The following DISC1 variants were observed in gnomAD, a reference collection of about 807,000 sequenced individuals.
DISC1 encodes the protein DISC1 scaffold protein, also known as disrupted in schizophrenia 1 protein.
DISC1 carries 57 observed loss-of-function variants against 84.5 expected under a neutral mutation model. That is an observed-to-expected ratio of 0.67 (90% CI 0.55 to 0.84). The LOEUF is 0.84. DISC1 is among the 40% of genes least tolerant of loss of function. The pLI, the probability that DISC1 is intolerant of heterozygous loss-of-function variation, is 0.00. For synonymous variants in DISC1, 411 were observed against 415.2 expected, an observed-to-expected ratio of 0.99 and a Z score of 0.12; for missense variants, 1,000 against 1,057.8, an observed-to-expected ratio of 0.95 and a Z score of 0.76.
chr1:231,865,316 A>G (rs1262276444), intron 9 of DISC1, among the ~76,000 whole-genome samples: 1 of 152,192 alleles, frequency 6.6e-6, no homozygotes, highest in Non-Finnish European at 1.5e-5. Context: ...CCCACTCTTC[A>G]TGTTTGCCAA....
chr1:231,899,130 C>T (rs1314251098), intron 9 of DISC1, among the ~76,000 whole-genome samples: 1 of 152,106 alleles, frequency 6.6e-6, no homozygotes, highest in Admixed American at 6.5e-5. Context: ...CTTGTCTCTC[C>T]TGAGGGTTTT....
At chr1:231,688,845 T>C (rs1331268681) in intron 1 of DISC1, among the ~76,000 whole-genome samples, 1 of 152,188 alleles carries the variant, frequency 6.6e-6, no homozygotes, top group Non-Finnish European at 1.5e-5. Flanking sequence ...AAATTGGAAA[T>C]AGAATACAGG....
At chr1:232,026,762 C>CTTTTTTTTTTTTTTTT (rs545455868) in intron 12 of DISC1, among the ~76,000 whole-genome samples, 6 of 110,876 alleles carry the variant, frequency 5.4e-5, no homozygotes, top group Admixed American at 1.0e-4. Context: ...TTTCTTTTTT[C>CTTTTTTTTTTTTTTTT]TTTTTTTTTT....
intron 9 of DISC1, among the ~76,000 whole-genome samples, chr1:231,824,256 G>A (rs1340448761): frequency 6.6e-6 from 1 of 152,152 alleles, no homozygotes; most frequent in Non-Finnish European, 1.5e-5. Flanking sequence ...GGCAAGAAAT[G>A]TAGATGTTTA....
At chr1:231,976,583 A>G (rs1662842376) in intron 10 of DISC1, among the ~76,000 whole-genome samples, 1 of 152,204 alleles carries the variant, frequency 6.6e-6, no homozygotes, top group South Asian at 2.1e-4. Flanking sequence ...GAAAAAGACT[A>G]TGGAATCTTT....
Position 231,963,144 on chromosome 1 carries a change from G to A in DISC1, c.2042+4256G>A, listed in dbSNP as rs533584436. Among the ~76,000 whole-genome samples the A allele has an allele frequency of 2.3e-3, 347 of 152,140 alleles. 4 individuals carry two copies. Among genetic ancestry groups the A allele is most frequent in the African/African-American group, 7.9e-3 (328 of 41,504 alleles). On this transcript the variant is annotated intron_variant, in intron 10 of 12. Coordinates refer to ENST00000439617, the MANE Select transcript of DISC1 (RefSeq NM_018662.3). ...GCCTAAATGCCTTACCATGGTTCATGGCATTCTTCCATGTGGCCTCTGCAT... is the reference window on the plus strand; with the variant it reads ...GCCTAAATGCCTTACCATGGTTCATAGCATTCTTCCATGTGGCCTCTGCAT...
Position 231,796,399 on chromosome 1 carries a change from C to T in DISC1, c.1689+1103C>T, listed in dbSNP as rs1227021916. On this transcript the variant is annotated intron_variant, in intron 7 of 12. Coordinates refer to ENST00000439617, the MANE Select transcript of DISC1 (RefSeq NM_018662.3). ...AGCAGAGAGCAACGCAGCTGAGAGC[C>T]TGTTGGCCTGGAAGGACTCTCTTCC... Among the ~76,000 whole-genome samples, 3 of 133,288 alleles carry T rather than the reference C, an allele frequency of 2.3e-5. No individual in the cohort carries two copies. In the East Asian group the frequency reaches 6.8e-4, roughly 30 times the overall value. 87.4% of individuals were successfully genotyped at this position (133,288 alleles called of 152,430 possible). A position where few individuals can be genotyped will look rare whatever the true frequency, so the allele number is the denominator to read the frequency against.
Position 232,031,141 on chromosome 1 carries a change from G to A in DISC1, c.2425+4589G>A, listed in dbSNP as rs974374667. 6.9e-6 allele frequency among the ~76,000 whole-genome samples: 1 copy of A among 145,880 alleles called. No homozygotes were observed. The highest frequency in any genetic ancestry group is 2.6e-5 in the African/African-American group (1 of 37,974). ...GGGAGGGAAGGAAGGAAGGAAGGAG[G>A]GAGAGAGGAGAGAGAGAGAGAGAAC... On this transcript the variant is annotated intron_variant, in intron 12 of 12. Coordinates refer to ENST00000439617, the MANE Select transcript of DISC1 (RefSeq NM_018662.3). The surrounding 1 kb of genome is among the most constrained non-coding windows in gnomAD (Gnocchi z 4.6).
intron 4 of DISC1, among the ~76,000 whole-genome samples, chr1:231,757,822 G>A (rs2075287146): frequency 6.6e-6 from 1 of 152,102 alleles, no homozygotes; most frequent in African/African-American, 2.4e-5. Flanking sequence ...CACATCAGAA[G>A]TGAGTTCCTT....
chr1:231,696,273 C>T (rs1440532107), intron 2 of DISC1, among the ~76,000 whole-genome samples: 4 of 152,172 alleles, frequency 2.6e-5, no homozygotes, highest in African/African-American at 2.4e-5. Flanking sequence ...TACCTTCCTG[C>T]GGTGTTTCTC....
chr1:231,983,490 G>A (rs193170231), intron 10 of DISC1, among the ~76,000 whole-genome samples: 2 of 133,218 alleles, frequency 1.5e-5, no homozygotes, highest in Non-Finnish European at 3.1e-5. Context: ...AGCCATCTGC[G>A]TTTCAGGAGC....
intron 4 of DISC1, among the ~76,000 whole-genome samples, chr1:231,764,735 T>G (rs946197824): frequency 6.6e-6 from 1 of 152,226 alleles, no homozygotes; most frequent in African/African-American, 2.4e-5. Flanking sequence ...TTACATGCAA[T>G]CAATACTTGG....
chr1:231,988,043 G>A lies in DISC1; in HGVS notation c.2043-20742G>A, dbSNP rs191497642. On this transcript the variant is annotated intron_variant, in intron 10 of 12. Transcript: ENST00000439617. ...CCTACTAAAAATACCAAAATTAGCC[G>A]GGTGTGGTGACGTGTGCCTGTAGTC... 3.9e-5 allele frequency among the ~76,000 whole-genome samples: 6 copies of A among 152,186 alleles called. No homozygotes were observed. In the East Asian group the frequency reaches 9.7e-4, roughly 25 times the overall value.
intron 1 of DISC1, among the ~76,000 whole-genome samples, chr1:231,686,466 C>T (rs745774928): frequency 9.9e-5 from 15 of 152,212 alleles, no homozygotes; most frequent in South Asian, 2.1e-4. Context: ...TCTGAAGCCA[C>T]GGCCCGAGCT....
At chr1:231,693,770 C>T (rs184681256) in intron 1 of DISC1, 56 bp from the exon 2 acceptor site, 5 of 1,610,314 alleles carry the variant, frequency 3.1e-6, no homozygotes, top group Non-Finnish European at 4.2e-6. Flanking sequence ...GATGCAGTTC[C>T]AGCTGGGCCA....
In DISC1 at chr1:231,866,569, A is replaced by G. The variant is rs779465023; in HGVS notation, c.1981+48052A>G. The G allele has an allele frequency of 8.7e-6, 10 of 1,148,306 alleles. No homozygotes were observed. In the South Asian group the frequency reaches 1.1e-4, roughly 13 times the overall value. 71.1% of individuals were successfully genotyped at this position (1,148,306 alleles called of 1,614,324 possible). A position where few individuals can be genotyped will look rare whatever the true frequency, so the allele number is the denominator to read the frequency against. On this transcript the variant is annotated intron_variant, in intron 9 of 12. Transcript: ENST00000439617. ...AGTCCTGGACACAGAGAAGTCAGCA[A>G]CTTGCCTGAGGACAGCCTGCAGGAC... is the stretch of plus-strand genomic sequence containing the variant.
At chr1:231,898,983 CAAAAA>C (rs796315353) in intron 9 of DISC1, among the ~76,000 whole-genome samples, 1 of 144,654 alleles carries the variant, frequency 6.9e-6, no homozygotes, top group African/African-American at 2.5e-5. Context: ...CCACAAAAAA[CAAAAA>C]AAAAAGAAAC....
In DISC1 at chr1:231,864,385, C is replaced by T. The variant is rs867412813; in HGVS notation, c.1981+45868C>T. Among the ~76,000 whole-genome samples the T allele has an allele frequency of 7.2e-5, 11 of 152,176 alleles. 1 individual carries two copies. The South Asian group carries it at 8.3e-4, about 12-fold the overall frequency. ...CATTAGAAAACCTGAGGGGGTGGGC[C>T]GGGCGCAGTGGCTCACGCCTGTAAT... On this transcript the variant is annotated intron_variant, in intron 9 of 12. Transcript: ENST00000439617.
At chr1:231,746,210 CT>C (rs1395895591) in intron 3 of DISC1, among the ~76,000 whole-genome samples, 1 of 152,188 alleles carries the variant, frequency 6.6e-6, no homozygotes, top group Non-Finnish European at 1.5e-5. Context: ...ACATGTTTAA[CT>C]TTCTGTTCCT....
Sources: allele counts gnomAD v4.1 joint callset (sites outside exome capture counted in the v4.1 genomes callset), GRCh38; gene constraint gnomAD v4.1.1; non-coding constraint Gnocchi (gnomAD v3.1); transcripts MANE v1.5; gene names NCBI Gene and HGNC (gene_info 2026-07-23, HGNC 2026-07-21).